Variants in PLCB1 observed in about 807,000 individuals in gnomAD.
PLCB1 encodes phospholipase C beta 1.
A neutral mutation model predicts 161.8 loss-of-function variants in PLCB1; 46 were observed. That is an observed-to-expected ratio of 0.28 (90% confidence interval 0.22 to 0.36). PLCB1 has a LOEUF of 0.36. PLCB1 is among the 10% of genes least tolerant of loss of function. PLCB1 has a pLI of 1.00. For missense variants in PLCB1, 1,016 were observed against 1,472.5 expected (o/e 0.69, Z 5.07); for synonymous variants, 517 against 503.7 (o/e 1.03, Z -0.35).
chr20:8,548,308 TCC>T, intron 3 of PLCB1, among the ~76,000 whole-genome samples: 1 of 69,500 alleles, frequency 1.4e-5, no homozygotes, highest in African/African-American at 4.2e-5. Flanking sequence ...TCTTTCGTCT[TCC>T]TTCCTTCCAT....
At chr20:8,332,278 C>A (rs1048797873) in intron 2 of PLCB1, among the ~76,000 whole-genome samples, 4 of 152,214 alleles carry the variant, frequency 2.6e-5, no homozygotes, top group Non-Finnish European at 4.4e-5. Flanking sequence ...CCAGATGCCT[C>A]TGCTTCTGCA....
chr20:8,397,471 A>C (rs1421807112), intron 3 of PLCB1, among the ~76,000 whole-genome samples: 4 of 152,132 alleles, frequency 2.6e-5, no homozygotes, highest in African/African-American at 9.6e-5. Flanking sequence ...AATTATATAA[A>C]GAAGAATGCT....
chr20:8,746,572 C>A (rs918378543), intron 23 of PLCB1, among the ~76,000 whole-genome samples: 2 of 152,024 alleles, frequency 1.3e-5, no homozygotes, highest in Non-Finnish European at 2.9e-5. Flanking sequence ...TCTTCAACTC[C>A]CAGCTCAAGC....
chr20:8,869,555 G>A (rs1406624565), intron 31 of PLCB1, among the ~76,000 whole-genome samples: 2 of 152,158 alleles, frequency 1.3e-5, no homozygotes. Flanking sequence ...CTGGAAAATG[G>A]TAAACAACTC....
At chr20:8,215,271 A>C (rs1257068664) in intron 2 of PLCB1, among the ~76,000 whole-genome samples, 1 of 152,028 alleles carries the variant, frequency 6.6e-6, no homozygotes, top group East Asian at 1.9e-4. Context: ...TTCGGAATCG[A>C]TTTGTTAATC....
chr20:8,705,757 G>A (rs1253868482), intron 11 of PLCB1, among the ~76,000 whole-genome samples: 1 of 152,212 alleles, frequency 6.6e-6, no homozygotes, highest in Non-Finnish European at 1.5e-5. Flanking sequence ...AAGATCAATG[G>A]ACTGTATCCA....
intron 1 of PLCB1, among the ~76,000 whole-genome samples, chr20:8,142,930 C>T (rs1303349735): frequency 6.6e-6 from 1 of 152,180 alleles, no homozygotes; most frequent in African/African-American, 2.4e-5. Flanking sequence ...TGCCCTCCTG[C>T]CCCTGAGAAA....
chr20:8,229,884 A>AAAAT (rs1568598360), intron 2 of PLCB1, among the ~76,000 whole-genome samples: 3 of 36,228 alleles, frequency 8.3e-5, no homozygotes, highest in African/African-American at 2.6e-4. Context: ...AAAATAAAAT[A>AAAAT]AAAATAAAAT....
At chr20:8,659,847 T>C (rs1156471864) in intron 9 of PLCB1, among the ~76,000 whole-genome samples, 2 of 151,872 alleles carry the variant, frequency 1.3e-5, no homozygotes, top group Non-Finnish European at 2.9e-5. Context: ...CAAAAATTAG[T>C]CTGGCATGAT....
chr20:8,410,512 T>A (rs1246983617), intron 3 of PLCB1, among the ~76,000 whole-genome samples: 1 of 151,988 alleles, frequency 6.6e-6, no homozygotes, highest in Non-Finnish European at 1.5e-5. Context: ...TAAATTAAAT[T>A]TATATAATTT....
At chr20:8,403,097 A>T (rs1978636247) in intron 3 of PLCB1, among the ~76,000 whole-genome samples, 2 of 152,166 alleles carry the variant, frequency 1.3e-5, no homozygotes, top group Non-Finnish European at 2.9e-5. Flanking sequence ...AGAACTATTT[A>T]ATTAAATAAA....
chr20:8,673,078 C>A (rs920754501), intron 9 of PLCB1, among the ~76,000 whole-genome samples: 1 of 151,882 alleles, frequency 6.6e-6, no homozygotes, highest in Non-Finnish European at 1.5e-5. Flanking sequence ...TGCCACTGCA[C>A]TCCAGCCTGG....
chr20:8,171,286 T>C (rs1018451927), intron 2 of PLCB1, among the ~76,000 whole-genome samples: 2 of 152,168 alleles, frequency 1.3e-5, no homozygotes, highest in Non-Finnish European at 2.9e-5. Context: ...TTATATACAT[T>C]TAACTAAGTA....
intron 4 of PLCB1, among the ~76,000 whole-genome samples, chr20:8,645,535 C>CT (rs1306704058): frequency 6.6e-6 from 1 of 152,106 alleles, no homozygotes; most frequent in African/African-American, 2.4e-5. Flanking sequence ...GAGATCATTG[C>CT]TTTCTGGTAT....
chr20:8,527,878 G>A (rs1240195667), intron 3 of PLCB1, among the ~76,000 whole-genome samples: 5 of 151,992 alleles, frequency 3.3e-5, no homozygotes, highest in African/African-American at 1.2e-4. Flanking sequence ...ACAGTGCTCA[G>A]TAATCCCACC....
At chr20:8,842,348 G>A (rs1986535361) in intron 31 of PLCB1, among the ~76,000 whole-genome samples, 1 of 152,104 alleles carries the variant, frequency 6.6e-6, no homozygotes, top group Admixed American at 6.5e-5. Flanking sequence ...TACTGATTTT[G>A]ACTGTTTGTA....
At chr20:8,677,208 A>G (rs1236604100) in intron 9 of PLCB1, among the ~76,000 whole-genome samples, 3 of 152,062 alleles carry the variant, frequency 2.0e-5, no homozygotes, top group Admixed American at 2.0e-4. Flanking sequence ...AGCTTGACCA[A>G]CACAGAGAAA....
chr20:8,463,037 T>G (rs959517833), intron 3 of PLCB1, among the ~76,000 whole-genome samples: 4 of 152,106 alleles, frequency 2.6e-5, no homozygotes, highest in African/African-American at 4.8e-5. Context: ...TTATACGCTC[T>G]AAGAGGCAAC....
chr20:8,719,777 G>T (rs1050652010), intron 14 of PLCB1, among the ~76,000 whole-genome samples: 6 of 151,966 alleles, frequency 3.9e-5, no homozygotes, highest in Admixed American at 2.6e-4. Context: ...GACTTACGAC[G>T]TGTACTTTTC....
Sources: gnomAD v4.1 joint callset for allele counts (sites outside exome capture counted in the v4.1 genomes callset) on GRCh38, gnomAD v4.1.1 for gene constraint, MANE v1.5 for transcripts, NCBI Gene and HGNC (gene_info 2026-07-23, HGNC 2026-07-21) for gene names.